Variants in GLG1 observed in about 807,000 individuals in gnomAD.
The protein encoded by GLG1 is Golgi apparatus protein 1.
In GLG1, 38 loss-of-function variants were observed where a neutral mutation model predicts 160.5. That is an observed-to-expected ratio of 0.24 (90% CI 0.18 to 0.31). The LOEUF (loss-of-function observed/expected upper bound fraction) is 0.31, where lower values mean the gene tolerates loss of function less well. Ranked by LOEUF, GLG1 falls within the 10% of genes least tolerant of loss-of-function variation. The pLI is 1.00. For missense variants in GLG1, 1,373 were observed against 1,505.2 expected (o/e 0.91, Z 1.45); for synonymous variants, 644 against 543.4 (o/e 1.19, Z -2.57).
At chr16:74,601,338 G>A (rs552862253) in intron 1 of GLG1, among the ~76,000 whole-genome samples, 10 of 152,042 alleles carry the variant, frequency 6.6e-5, no homozygotes, top group Non-Finnish European at 8.8e-5. Context: ...CTCAGCATCC[G>A]GGAGGCAGAG....
At position 74,579,789 on chromosome 16, in the gene GLG1, G is replaced by A. The variant is rs141804407; in HGVS notation, c.438+26868C>T. ...CATATGAAGACCTTAGCATGGCCAC[G>A]CACAGTGGCTCACGCCTGTAATCCC... On this transcript the variant is annotated intron_variant, in intron 1 of 25. Coordinates refer to ENST00000422840, the MANE Select transcript of GLG1 (RefSeq NM_001145667.2). 1.6e-3 allele frequency among the ~76,000 whole-genome samples: 236 copies of A among 152,112 alleles called. 3 individuals carry two copies. In the South Asian group the frequency reaches 0.017, roughly 11 times the overall value.
At chr16:74,549,929 C>A (rs1170264286) in intron 1 of GLG1, among the ~76,000 whole-genome samples, 1 of 151,526 alleles carries the variant, frequency 6.6e-6, no homozygotes, top group African/African-American at 2.4e-5. Flanking sequence ...GCCTGGGCAA[C>A]ATAGCAAAAC....
chr16:74,486,294 A>G (rs912649381), intron 8 of GLG1, among the ~76,000 whole-genome samples: 6 of 152,182 alleles, frequency 3.9e-5, no homozygotes, highest in African/African-American at 1.4e-4. Context: ...AATAAAGAAC[A>G]TTTTCACTTA....
At chr16:74,524,317 A>T (rs1030709349) in intron 2 of GLG1, among the ~76,000 whole-genome samples, 2 of 152,200 alleles carry the variant, frequency 1.3e-5, no homozygotes, top group African/African-American at 4.8e-5. Flanking sequence ...CTCTACGATA[A>T]TAAGTAACTA....
At chr16:74,512,880 C>G in intron 2 of GLG1, among the ~76,000 whole-genome samples, 1 of 152,070 alleles carries the variant, frequency 6.6e-6, no homozygotes, top group South Asian at 2.1e-4. Context: ...GACAGGGAGT[C>G]TTGGTAGCAG....
intron 1 of GLG1, among the ~76,000 whole-genome samples, chr16:74,568,416 T>C (rs1032346151): frequency 2.5e-5 from 3 of 121,952 alleles, no homozygotes; most frequent in African/African-American, 1.0e-4. Flanking sequence ...ATAATTTTAC[T>C]GCTTTTTTTT....
intron 8 of GLG1, among the ~76,000 whole-genome samples, chr16:74,488,360 G>A (rs550139892): frequency 3.3e-5 from 5 of 152,112 alleles, no homozygotes; most frequent in East Asian, 1.9e-4. Context: ...TGGGCAACAC[G>A]GCGAGACCCC....
intron 1 of GLG1, among the ~76,000 whole-genome samples, chr16:74,576,146 G>A (rs1459435747): frequency 6.6e-6 from 1 of 151,860 alleles, no homozygotes; most frequent in African/African-American, 2.4e-5. Context: ...GCGGTGAGCT[G>A]AGATAGCACC....
chr16:74,561,102 G>T (rs2018501356), intron 1 of GLG1, among the ~76,000 whole-genome samples: 1 of 152,108 alleles, frequency 6.6e-6, no homozygotes, highest in South Asian at 2.1e-4. Context: ...GATGGGGCAG[G>T]ATCGGGGCCA....
At position 74,486,141 on chromosome 16, in the gene GLG1, T is replaced by C. The variant is rs377581604; in HGVS notation, c.1450-224A>G. Among the ~76,000 whole-genome samples the C allele has an allele frequency of 1.0e-3, 157 of 152,366 alleles. 3 individuals carry two copies. The South Asian group carries it at 0.027, about 26-fold the overall frequency. On this transcript the variant is annotated intron_variant, in intron 8 of 25. Coordinates refer to ENST00000422840, the MANE Select transcript of GLG1 (RefSeq NM_001145667.2). ...TTCTGTTTGAGTCATTGATGGGGAC[T>C]GCTTATCTTTGTTCTCAGTAATCCC...
intron 1 of GLG1, among the ~76,000 whole-genome samples, chr16:74,550,940 C>A (rs1343863742): frequency 6.6e-6 from 1 of 152,180 alleles, no homozygotes; most frequent in Non-Finnish European, 1.5e-5. Flanking sequence ...TACAATAACA[C>A]ACCTCCAGCC....
At chr16:74,501,997 G>A (rs1325721835) in intron 4 of GLG1, among the ~76,000 whole-genome samples, 7 of 152,206 alleles carry the variant, frequency 4.6e-5, no homozygotes, top group Admixed American at 2.0e-4. Flanking sequence ...GGGCTTTGGT[G>A]ACAGCCAGAC....
At chr16:74,557,707 T>C (rs939784732) in intron 1 of GLG1, among the ~76,000 whole-genome samples, 3 of 151,560 alleles carry the variant, frequency 2.0e-5, no homozygotes, top group Non-Finnish European at 4.4e-5. Flanking sequence ...GGTGCAGCTA[T>C]CTGGAAGCAG....
chr16:74,555,841 C>T (rs6564140), intron 1 of GLG1, among the ~76,000 whole-genome samples: 126,852 of 147,614 alleles, frequency 0.86, 54,572 homozygotes, highest in African/African-American at 0.94. Flanking sequence ...TTTTTTTTTT[C>T]TTTTTCTTTT....
At chr16:74,567,267 G>T (rs2018682682) in intron 1 of GLG1, among the ~76,000 whole-genome samples, 1 of 151,888 alleles carries the variant, frequency 6.6e-6, no homozygotes, top group Non-Finnish European at 1.5e-5. Context: ...CTTTTGTTTT[G>T]TTGGTAGGAG....
At chr16:74,467,680 G>A (rs1257202460) in intron 18 of GLG1, 76 bp downstream of exon 18, 5 of 964,116 alleles carry the variant, frequency 5.2e-6, no homozygotes, top group Non-Finnish European at 8.3e-6. Context: ...TACCTTATGG[G>A]CACTAGCTTT....
intron 3 of GLG1, among the ~76,000 whole-genome samples, chr16:74,504,611 T>A (rs1265956889): frequency 6.6e-6 from 1 of 152,252 alleles, no homozygotes; most frequent in Non-Finnish European, 1.5e-5. Flanking sequence ...GACATTAATG[T>A]GTTCTAAATT....
At chr16:74,503,877 A>C in intron 3 of GLG1, 131 bp from the exon 4 acceptor site, 2 of 638,320 alleles carry the variant, frequency 3.1e-6, no homozygotes, top group Middle Eastern at 3.8e-4. Flanking sequence ...AAAAAGAAAA[A>C]TGCTTAGAAA....
intron 1 of GLG1, among the ~76,000 whole-genome samples, chr16:74,560,918 G>T (rs2018494189): frequency 6.6e-6 from 1 of 151,934 alleles, no homozygotes; most frequent in Non-Finnish European, 1.5e-5. Context: ...GTTTTTGTAA[G>T]GAAAGCTATA....
Sources: allele counts gnomAD v4.1 joint callset (sites outside exome capture counted in the v4.1 genomes callset), GRCh38; gene constraint gnomAD v4.1.1; transcripts MANE v1.5; gene names NCBI Gene and HGNC (gene_info 2026-07-23, HGNC 2026-07-21).